The following SEC23A variants were observed in gnomAD, a reference collection of about 807,000 sequenced individuals.
SEC23A encodes SEC23 homolog A, COPII component, also known as protein transport protein Sec23A.
A neutral mutation model predicts 103.7 loss-of-function variants in SEC23A; 56 were observed. The observed-to-expected ratio is 0.54, with a 90% CI of 0.44 to 0.67. SEC23A has a LOEUF of 0.67. SEC23A is among the 30% of genes least tolerant of loss of function. SEC23A has a pLI of 0.00. For missense variants in SEC23A, 784 were observed against 936.4 expected (o/e 0.84, Z 2.12); for synonymous variants, 281 against 293.0 (o/e 0.96, Z 0.42).
At chr14:39,065,626 T>C (rs1263956278) in intron 10 of SEC23A, among the ~76,000 whole-genome samples, 1 of 152,154 alleles carries the variant, frequency 6.6e-6, no homozygotes, top group Non-Finnish European at 1.5e-5. Context: ...TTCTCAAACA[T>C]ACAATGCTGA....
chr14:39,041,926 G>A (rs1418077072), intron 17 of SEC23A, among the ~76,000 whole-genome samples: 1 of 149,784 alleles, frequency 6.7e-6, no homozygotes, highest in Non-Finnish European at 1.5e-5. Context: ...TTTGAGTAAT[G>A]TCTTTACTAT....
intron 1 of SEC23A, 109 bp from the exon 2 acceptor site, chr14:39,096,248 C>T (rs563895913): frequency 1.7e-5 from 13 of 783,494 alleles, no homozygotes; most frequent in East Asian, 8.0e-5. Context: ...AAATCAGGAC[C>T]AGCTGGGCCC....
At chr14:39,073,195 AT>A (rs1036969939) in intron 9 of SEC23A, among the ~76,000 whole-genome samples, 1 of 152,168 alleles carries the variant, frequency 6.6e-6, no homozygotes, top group African/African-American at 2.4e-5. Flanking sequence ...AGCAGTAAAA[AT>A]AAAATAAAAT....
At chr14:39,048,924 C>T (rs931800171) in intron 14 of SEC23A, among the ~76,000 whole-genome samples, 195 bp from the exon 15 acceptor site, 1 of 152,088 alleles carries the variant, frequency 6.6e-6, no homozygotes, top group African/African-American at 2.4e-5. Context: ...CAGAAACAAA[C>T]ACCACATTGT....
chr14:39,066,560 T>C (rs1267851185), intron 10 of SEC23A, among the ~76,000 whole-genome samples: 1 of 152,096 alleles, frequency 6.6e-6, no homozygotes, highest in Non-Finnish European at 1.5e-5. Flanking sequence ...ATAAATAGAT[T>C]TGGCTCTACA....
chr14:39,083,494 G>A, intron 7 of SEC23A, among the ~76,000 whole-genome samples: 1 of 151,212 alleles, frequency 6.6e-6, no homozygotes, highest in Non-Finnish European at 1.5e-5. Flanking sequence ...ACTGTGCTCT[G>A]ACCACCTTGG....
chr14:39,077,580 G>C (rs1360462941), intron 7 of SEC23A, among the ~76,000 whole-genome samples: 2 of 151,848 alleles, frequency 1.3e-5, no homozygotes, highest in Non-Finnish European at 2.9e-5. Context: ...AAGATAGAGA[G>C]AGAGAGAGAG....
chr14:39,086,485 G>A (rs1457037701), intron 6 of SEC23A, among the ~76,000 whole-genome samples: 2 of 152,114 alleles, frequency 1.3e-5, no homozygotes, highest in Admixed American at 6.5e-5. Flanking sequence ...AGCCAGGCAT[G>A]GTGGTGCATG....
At chr14:39,102,021 CA>C (rs1369747034) in intron 1 of SEC23A, among the ~76,000 whole-genome samples, 2 of 152,130 alleles carry the variant, frequency 1.3e-5, no homozygotes, top group Non-Finnish European at 2.9e-5. Flanking sequence ...CACCTGAGGT[CA>C]GGAGTTCGAG....
chr14:39,039,280 T>C (rs552489043), intron 18 of SEC23A, 184 bp from the exon 19 acceptor site: 1 of 568,144 alleles, frequency 1.8e-6, no homozygotes, highest in Non-Finnish European at 3.0e-6. Context: ...AAATAAATAA[T>C]AAATGCACCT....
At position 39,100,953 on chromosome 14, in the gene SEC23A, C is replaced by A. The variant is rs546430421; in HGVS notation, c.-22+2079G>T. ...CCACCTCCCGGGTTCAGGCGATTCT[C>A]CCGCCTCAGCCTCCCCAGTAGCTGG... On this transcript the variant is annotated intron_variant, in intron 1 of 19. Transcript: ENST00000307712. Among the ~76,000 whole-genome samples, 1,366 of 152,078 alleles carry A rather than the reference C, an allele frequency of 9.0e-3. 3 individuals carry two copies. The highest frequency in any genetic ancestry group is 0.014 in the Middle Eastern group (4 of 294).
At chr14:39,059,774 T>C (rs1265404551) in intron 13 of SEC23A, among the ~76,000 whole-genome samples, 1 of 152,168 alleles carries the variant, frequency 6.6e-6, no homozygotes, top group East Asian at 1.9e-4. Flanking sequence ...GCTCCAATTA[T>C]TAAACTCATG....
At chr14:39,085,689 TACACACACACACACACACACACAC>T (rs59136053) in intron 7 of SEC23A, 49 bp downstream of exon 7, 14 of 1,194,442 alleles carry the variant, frequency 1.2e-5, no homozygotes, top group Non-Finnish European at 1.6e-5. Flanking sequence ...TAATTATATA[TACACACACACACACACACACACAC>T]ACACACACAC....
intron 9 of SEC23A, 109 bp downstream of exon 9, chr14:39,074,306 G>T: frequency 2.6e-6 from 2 of 766,786 alleles, no homozygotes; most frequent in Non-Finnish European, 2.3e-6. Context: ...GTGTTGCCTT[G>T]AAGTAGTGGG....
intron 2 of SEC23A, among the ~76,000 whole-genome samples, 162 bp downstream of exon 2, chr14:39,095,736 G>C (rs938396655): frequency 6.6e-6 from 1 of 152,112 alleles, no homozygotes; most frequent in African/African-American, 2.4e-5. Flanking sequence ...AGTACAACTA[G>C]AATGATCCTA....
intron 1 of SEC23A, among the ~76,000 whole-genome samples, chr14:39,097,410 A>C (rs1887924860): frequency 6.6e-6 from 1 of 152,244 alleles, no homozygotes; most frequent in African/African-American, 2.4e-5. Flanking sequence ...GGTGCCTGGA[A>C]AACCCAACAT....
In SEC23A at chr14:39,031,951, G is replaced by T. The variant is rs887170329; in HGVS notation, c.*1288C>A. 1 of 152,414 alleles carries T rather than the reference G, an allele frequency of 6.6e-6. No individual in the cohort carries two copies. Among genetic ancestry groups the T allele is most frequent in the Non-Finnish European group, 1.5e-5 (1 of 68,012 alleles). The allele number at this position is 152,414 out of a possible 1,614,324, so 9.4% of individuals were successfully genotyped here. A position where few individuals can be genotyped will look rare whatever the true frequency, so the allele number is the denominator to read the frequency against. On this transcript the variant is annotated 3_prime_UTR_variant, in exon 20 of 20. Transcript: ENST00000307712. ...AAAAGTATATTTTATTGGCATTTAG[G>T]CCTAGCGTAGTTCAATTCAAATAAA...
intron 9 of SEC23A, among the ~76,000 whole-genome samples, chr14:39,069,024 A>G (rs1234788011): frequency 6.6e-6 from 1 of 152,200 alleles, no homozygotes; most frequent in Admixed American, 6.5e-5. Context: ...GATTTTCTAC[A>G]AACATGTTAT....
intron 5 of SEC23A, among the ~76,000 whole-genome samples, chr14:39,089,215 T>C (rs912668477): frequency 4.0e-5 from 6 of 151,068 alleles, no homozygotes; most frequent in African/African-American, 1.5e-4. Context: ...ATGTGCTTCA[T>C]ATGCATTATA....
Sources: gnomAD v4.1 joint callset for allele counts (sites outside exome capture counted in the v4.1 genomes callset) on GRCh38, gnomAD v4.1.1 for gene constraint, MANE v1.5 for transcripts, NCBI Gene and HGNC (gene_info 2026-07-23, HGNC 2026-07-21) for gene names.